Variants in TIAM1 observed in about 807,000 individuals in gnomAD.
TIAM1 encodes the protein TIAM Rac1 associated GEF 1.
In TIAM1, 65 loss-of-function variants were observed where a neutral mutation model predicts 163.5. That is an observed-to-expected ratio of 0.40 (90% CI 0.33 to 0.49). The LOEUF (loss-of-function observed/expected upper bound fraction) is 0.49. Ranked by LOEUF, TIAM1 falls within the 20% of genes least tolerant of loss-of-function variation. TIAM1 has a pLI of 0.77. For missense variants in TIAM1, 1,789 were observed against 2,044.7 expected (o/e 0.87, Z 2.41); for synonymous variants, 833 against 810.1 (o/e 1.03, Z -0.48).
intron 15 of TIAM1, among the ~76,000 whole-genome samples, chr21:31,172,305 G>GTT (rs146481809): frequency 6.7e-6 from 1 of 148,340 alleles, no homozygotes; most frequent in Non-Finnish European, 1.5e-5. Context: ...AAGTTTGTTT[G>GTT]TTTTTTTTTT....
chr21:31,151,752 G>A (rs1012645392), intron 19 of TIAM1, among the ~76,000 whole-genome samples: 2 of 152,204 alleles, frequency 1.3e-5, no homozygotes, highest in Admixed American at 1.3e-4. Context: ...ATCTGTTAAA[G>A]CACATGAGGG....
intron 6 of TIAM1, among the ~76,000 whole-genome samples, chr21:31,245,157 C>T (rs2071428592): frequency 6.6e-6 from 1 of 151,952 alleles, no homozygotes; most frequent in African/African-American, 2.4e-5. Context: ...TTCACGATCC[C>T]TTTCTTAAAT....
chr21:31,495,523 A>T (rs1320053950), intron 1 of TIAM1, among the ~76,000 whole-genome samples: 1 of 152,188 alleles, frequency 6.6e-6, no homozygotes, highest in Non-Finnish European at 1.5e-5. Flanking sequence ...CCACAGCCTA[A>T]TCGCCTCTTA....
chr21:31,375,587 G>C (rs2076669521), intron 2 of TIAM1, among the ~76,000 whole-genome samples: 1 of 152,080 alleles, frequency 6.6e-6, no homozygotes, highest in Non-Finnish European at 1.5e-5. Flanking sequence ...GAAGATGTAT[G>C]TTCTTATAAG....
intron 1 of TIAM1, among the ~76,000 whole-genome samples, chr21:31,495,483 G>A (rs151039335): frequency 1.6e-4 from 24 of 152,270 alleles, no homozygotes; most frequent in African/African-American, 5.3e-4. Flanking sequence ...TGCCATTCAC[G>A]ACAGAGGAGC....
chr21:31,122,648 T>G (rs1443682862), intron 27 of TIAM1, among the ~76,000 whole-genome samples: 1 of 152,174 alleles, frequency 6.6e-6, no homozygotes, highest in African/African-American at 2.4e-5. Flanking sequence ...GAAAAAAATT[T>G]TTAATTGGGT....
intron 11 of TIAM1, among the ~76,000 whole-genome samples, chr21:31,205,708 G>A (rs1433992250): frequency 6.6e-6 from 1 of 152,222 alleles, no homozygotes; most frequent in East Asian, 1.9e-4. Context: ...GCTCATGCCT[G>A]TAATCCCATC....
chr21:31,307,669 G>A (rs2146976710), intron 2 of TIAM1, among the ~76,000 whole-genome samples: 1 of 152,230 alleles, frequency 6.6e-6, no homozygotes, highest in South Asian at 2.1e-4. Flanking sequence ...CTTTTGCCAG[G>A]TCCTGGTTCT....
At chr21:31,341,515 G>A (rs2076014278) in intron 1 of TIAM1, among the ~76,000 whole-genome samples, 1 of 152,200 alleles carries the variant, frequency 6.6e-6, no homozygotes, top group Non-Finnish European at 1.5e-5. Context: ...GTATTGTCAA[G>A]TGGGTTGAAA....
chr21:31,539,920 T>G (rs1229149262), intron 1 of TIAM1, among the ~76,000 whole-genome samples: 1 of 152,028 alleles, frequency 6.6e-6, no homozygotes, highest in Non-Finnish European at 1.5e-5. Context: ...CAGTGCAAGC[T>G]GTGGTACGCA....
At position 31,165,082 on chromosome 21, in the gene TIAM1, G is replaced by C; in HGVS notation, c.2888-17C>G. 1 of 1,612,884 alleles carries C rather than the reference G, an allele frequency of 6.2e-7. No homozygotes were observed. Among genetic ancestry groups the C allele is most frequent in the African/African-American group, 1.3e-5 (1 of 75,056 alleles). On this transcript the variant is annotated splice_polypyrimidine_tract_variant and intron_variant, in intron 15 of 27. Transcript: ENST00000541036. ...GGCTGTGCCCTGTCAGATGAAATCA[G>C]AAGAAAATGTGGGTCAACATGGACA...
intron 2 of TIAM1, among the ~76,000 whole-genome samples, chr21:31,417,597 C>G (rs1032456626): frequency 6.6e-6 from 1 of 152,166 alleles, no homozygotes; most frequent in African/African-American, 2.4e-5. Flanking sequence ...ATGGGAGCTA[C>G]AATTCAAGAT....
At chr21:31,220,219 C>T (rs1475502701) in intron 8 of TIAM1, among the ~76,000 whole-genome samples, 1 of 152,218 alleles carries the variant, frequency 6.6e-6, no homozygotes, top group East Asian at 1.9e-4. Flanking sequence ...TAATTGTTTA[C>T]TTATTTCTTA....
At chr21:31,345,992 T>C (rs572064077), upstream of TIAM1, among the ~76,000 whole-genome samples, 81 of 152,168 alleles carry the variant, frequency 5.3e-4, no homozygotes, top group African/African-American at 2.0e-3. Context: ...AGAAGAATGT[T>C]TGGATACAGC....
chr21:31,217,405 A>T, intron 9 of TIAM1, 148 bp downstream of exon 9: 1 of 1,095,696 alleles, frequency 9.1e-7, no homozygotes, highest in Non-Finnish European at 1.3e-6. Flanking sequence ...ATTATCTATT[A>T]AAAGTGTCTA....
intron 2 of TIAM1, among the ~76,000 whole-genome samples, chr21:31,369,698 T>C (rs1402477673): frequency 6.6e-6 from 1 of 152,110 alleles, no homozygotes; most frequent in Non-Finnish European, 1.5e-5. Flanking sequence ...AATTATTACA[T>C]GTCAACTAAA....
intron 2 of TIAM1, among the ~76,000 whole-genome samples, chr21:31,277,394 C>T (rs2073344497): frequency 6.6e-6 from 1 of 152,210 alleles, no homozygotes; most frequent in Non-Finnish European, 1.5e-5. Context: ...GCCTGTAATC[C>T]CAGCACTTTG....
At chr21:31,298,353 T>C (rs2074369816) in intron 2 of TIAM1, among the ~76,000 whole-genome samples, 1 of 152,204 alleles carries the variant, frequency 6.6e-6, no homozygotes, top group African/African-American at 2.4e-5. Flanking sequence ...ACTTTCTTAA[T>C]CATGAAAACT....
intron 6 of TIAM1, among the ~76,000 whole-genome samples, chr21:31,226,898 C>T (rs775264068): frequency 6.6e-6 from 1 of 151,130 alleles, no homozygotes; most frequent in African/African-American, 2.4e-5. Context: ...TCCTTTGAAG[C>T]GCCTTCTTAG....
Sources: allele counts gnomAD v4.1 joint callset (sites outside exome capture counted in the v4.1 genomes callset), GRCh38; gene constraint gnomAD v4.1.1; transcripts MANE v1.5; gene names NCBI Gene and HGNC (gene_info 2026-07-23, HGNC 2026-07-21).